The following CECR2 variants were observed in gnomAD, a reference collection of about 807,000 sequenced individuals.
CECR2 encodes chromatin remodeling regulator CECR2.
A neutral mutation model predicts 154.5 loss-of-function variants in CECR2; 30 were observed. The ratio of observed to expected loss-of-function variants is 0.19; its 90% CI spans 0.15 to 0.26. The LOEUF is 0.26. Among genes scored for constraint, CECR2 ranks in the 10% least tolerant of loss-of-function variants. The pLI is 1.00. For synonymous variants in CECR2, 725 were observed against 683.7 expected (o/e 1.06, Z -0.94); for missense variants, 1,743 against 1,829.3 (o/e 0.95, Z 0.86).
chr22:17,411,702 C>T (rs1484105820), intron 1 of CECR2, among the ~76,000 whole-genome samples: 1 of 152,092 alleles, frequency 6.6e-6, no homozygotes, highest in African/African-American at 2.4e-5. Flanking sequence ...GAATTTAAAA[C>T]AGCACCTTTC....
chr22:17,382,965 C>T (rs1303262914), intron 1 of CECR2, among the ~76,000 whole-genome samples: 4 of 152,156 alleles, frequency 2.6e-5, no homozygotes, highest in African/African-American at 4.8e-5. Flanking sequence ...CGGTGGCTCA[C>T]GCCTGTAATC....
intron 1 of CECR2, among the ~76,000 whole-genome samples, chr22:17,441,487 T>G (rs967957472): frequency 6.6e-6 from 1 of 152,208 alleles, no homozygotes; most frequent in African/African-American, 2.4e-5. Context: ...TCACCATGAT[T>G]TGTATAGAAT....
At chr22:17,415,530 C>T (rs756193313) in intron 1 of CECR2, among the ~76,000 whole-genome samples, 4 of 152,312 alleles carry the variant, frequency 2.6e-5, no homozygotes, top group Middle Eastern at 3.4e-3. Flanking sequence ...GCGTGAGCCA[C>T]GATGTCTGGC....
intron 3 of CECR2, 25 bp downstream of exon 3, chr22:17,497,611 C>T: frequency 1.2e-6 from 2 of 1,605,652 alleles, no homozygotes; most frequent in African/African-American, 1.3e-5. Context: ...CGAACCTTTC[C>T]CTGTAGCTGT....
chr22:17,503,070 C>T lies in CECR2; in HGVS notation c.651-12C>T. 2 of 1,609,440 alleles carry T rather than the reference C, an allele frequency of 1.2e-6. No individual in the cohort carries two copies. The highest frequency in any genetic ancestry group is 1.7e-6 in the Non-Finnish European group (2 of 1,177,814). On this transcript the variant is annotated splice_polypyrimidine_tract_variant and intron_variant, in intron 5 of 18. Coordinates refer to ENST00000262608, the MANE Select transcript of CECR2 (RefSeq NM_001290047.2). ...TTTGTTTTAATTGGCACCTCTTTTT[C>T]CTGTGTTTCAGTGAAAAGCAGGAAG...
At chr22:17,513,754 C>T (rs1165373238) in intron 8 of CECR2, among the ~76,000 whole-genome samples, 1 of 152,164 alleles carries the variant, frequency 6.6e-6, no homozygotes, top group Non-Finnish European at 1.5e-5. Context: ...TCTTTATTAC[C>T]TTGACAGTTC....
At chr22:17,361,141 T>A (rs2062974800) in intron 1 of CECR2, among the ~76,000 whole-genome samples, 1 of 151,782 alleles carries the variant, frequency 6.6e-6, no homozygotes, top group African/African-American at 2.4e-5. Flanking sequence ...CCAGCCTCGG[T>A]GCCAGAGGGA....
chr22:17,525,834 GC>G (rs1387120746), intron 9 of CECR2, among the ~76,000 whole-genome samples: 5 of 151,846 alleles, frequency 3.3e-5, no homozygotes, highest in African/African-American at 1.2e-4. Flanking sequence ...ATTTATATAG[GC>G]AGGTCCAAAA....
chr22:17,540,585 T>G lies in CECR2; in HGVS notation c.1669T>G (p.Ser557Ala). 1 of 1,613,220 alleles carries G rather than the reference T, an allele frequency of 6.2e-7. No homozygotes were observed. Among genetic ancestry groups the G allele is most frequent in the East Asian group, 2.2e-5 (1 of 44,850 alleles). The change falls in exon 14 of 19, where the codon TCC becomes GCC. Residue 557 changes from serine (S) to alanine (A), a missense_variant. Coordinates refer to ENST00000262608, the MANE Select transcript of CECR2 (RefSeq NM_001290047.2). ...TGGTGGGAGCCATGTTTGGACCCGCTCCAGGGACCCAGAAGGGTCCAGCAG... is the reference window on the plus strand; with the variant it reads ...TGGTGGGAGCCATGTTTGGACCCGCGCCAGGGACCCAGAAGGGTCCAGCAG... ...RSGGSHVWTR[S>A]RDPEGSSRKQ... is the part of the protein sequence containing the mutation.
rs535816502 is a variant in CECR2, at chr22:17,555,680, G to A, written c.*2840G>A. 6.6e-6 allele frequency: 1 copy of A among 152,196 alleles called. No homozygotes were observed. Among genetic ancestry groups the A allele is most frequent in the African/African-American group, 2.4e-5 (1 of 41,446 alleles). 9.4% of individuals were successfully genotyped at this position (152,196 alleles called of 1,614,324 possible). On this transcript the variant is annotated 3_prime_UTR_variant, in exon 19 of 19. Transcript: ENST00000262608. ...TTGCCATCTTCTCCATTAGGAAAAT[G>A]ATGGTTATGTGATATGTTATATTTA...
intron 1 of CECR2, among the ~76,000 whole-genome samples, chr22:17,473,981 G>A (rs188129268): frequency 4.0e-4 from 61 of 152,252 alleles, no homozygotes; most frequent in African/African-American, 1.4e-3. Flanking sequence ...TTCTTCCTCT[G>A]TATTTCATCA....
At chr22:17,394,197 CTTTTTTTTTTT>C (rs71200271) in intron 1 of CECR2, among the ~76,000 whole-genome samples, 7 of 97,088 alleles carry the variant, frequency 7.2e-5, no homozygotes, top group African/African-American at 1.3e-4. Flanking sequence ...GCTGCCGCTG[CTTTTTTTTTTT>C]TTTTTTTTTT....
At chr22:17,529,167 T>C (rs1312219266) in intron 9 of CECR2, among the ~76,000 whole-genome samples, 2 of 152,198 alleles carry the variant, frequency 1.3e-5, no homozygotes, top group Non-Finnish European at 2.9e-5. Flanking sequence ...CGTGAGTGCC[T>C]GAAGCGGAAG....
chr22:17,385,590 C>G (rs933254839), intron 1 of CECR2, among the ~76,000 whole-genome samples: 5 of 152,154 alleles, frequency 3.3e-5, no homozygotes, highest in African/African-American at 9.7e-5. Context: ...TCCAAGATCA[C>G]TAGTCACAGA....
rs368613674 is a variant in CECR2 at position 17,524,286 on chromosome 22, C to T, written c.1108+15C>T. 9 of 1,603,488 alleles carry T rather than the reference C, an allele frequency of 5.6e-6. No individual in the cohort carries two copies. The highest frequency in any genetic ancestry group is 1.7e-5 in the Admixed American group (1 of 58,546). ...GGCAGTGGAAGGTATGTGCAGTGTCCGCGTGGTCTGGAGAGGTGCATGTCT... is the reference window on the plus strand; with the variant it reads ...GGCAGTGGAAGGTATGTGCAGTGTCTGCGTGGTCTGGAGAGGTGCATGTCT... On this transcript the variant is annotated intron_variant, in intron 9 of 18. Coordinates refer to ENST00000262608, the MANE Select transcript of CECR2 (RefSeq NM_001290047.2).
intron 7 of CECR2, among the ~76,000 whole-genome samples, chr22:17,508,069 C>T (rs944187525): frequency 6.6e-6 from 1 of 152,168 alleles, no homozygotes; most frequent in African/African-American, 2.4e-5. Context: ...AACATACTCT[C>T]CTCATTCCAT....
chr22:17,400,647 A>G (rs2053877994), intron 1 of CECR2, among the ~76,000 whole-genome samples: 1 of 152,228 alleles, frequency 6.6e-6, no homozygotes, highest in Admixed American at 6.5e-5. Flanking sequence ...AGAAGGGCAG[A>G]GAAGAGGGAG....
At chr22:17,480,697 T>C (rs1414729528) in intron 2 of CECR2, among the ~76,000 whole-genome samples, 2 of 152,152 alleles carry the variant, frequency 1.3e-5, no homozygotes, top group African/African-American at 4.8e-5. Context: ...TAAGTAAATG[T>C]TTACCTGTTA....
chr22:17,539,191 A>G, intron 13 of CECR2, 72 bp downstream of exon 13: 1 of 1,538,556 alleles, frequency 6.5e-7, no homozygotes, highest in Admixed American at 1.7e-5. Context: ...TTTTACAAAT[A>G]CACATCCTAG....
Sources: allele counts gnomAD v4.1 joint callset (sites outside exome capture counted in the v4.1 genomes callset), GRCh38; gene constraint gnomAD v4.1.1; transcripts MANE v1.5; gene names NCBI Gene and HGNC (gene_info 2026-07-23, HGNC 2026-07-21).